GARNL3: variants seen among roughly 807,000 people sequenced by gnomAD.
The protein encoded by GARNL3 is GTPase activating Rap/RanGAP domain like 3.
In GARNL3, 63 loss-of-function variants were observed where a neutral mutation model predicts 125.0. That is an observed-to-expected ratio of 0.50 (90% CI 0.41 to 0.62). The LOEUF (loss-of-function observed/expected upper bound fraction) is 0.62. Ranked by LOEUF, GARNL3 falls within the 20% of genes least tolerant of loss-of-function variation. The pLI is 0.00. For synonymous variants in GARNL3, 439 were observed against 457.5 expected (o/e 0.96, Z 0.52); for missense variants, 994 against 1,244.0 (o/e 0.80, Z 3.02).
chr9:127,269,507 A>G (rs994473670), intron 1 of GARNL3, among the ~76,000 whole-genome samples: 3 of 152,220 alleles, frequency 2.0e-5, no homozygotes, highest in African/African-American at 7.2e-5. Flanking sequence ...TGTTTCCACC[A>G]TGGCTATACT....
upstream of GARNL3, among the ~76,000 whole-genome samples, chr9:127,259,173 C>G (rs538111208): frequency 1.5e-3 from 235 of 152,270 alleles, 1 homozygote; most frequent in African/African-American, 5.5e-3. Flanking sequence ...CAACTCTTGA[C>G]TCTTTGGAGG....
chr9:127,391,524 C>CAAA lies in GARNL3; in HGVS notation c.2870+765_2870+767dup, dbSNP rs763160611. 2.5e-3 allele frequency among the ~76,000 whole-genome samples: 176 copies of CAAA among 70,468 alleles called. 17 individuals carry two copies. Among genetic ancestry groups the CAAA allele is most frequent in the African/African-American group, 7.1e-3 (163 of 23,026 alleles). The allele number at this position is 70,468 out of a possible 152,430, so 46.2% of individuals were successfully genotyped here. ...GGCAACACAGCAAGACCCATCTCTACAAAAAAAAAATATATATATATATAT... is the reference window on the plus strand; with the variant it reads ...GGCAACACAGCAAGACCCATCTCTACAAAAAAAAAAAAATATATATATATATAT... On this transcript the variant is annotated intron_variant, in intron 27 of 27. Coordinates refer to ENST00000373387, the MANE Select transcript of GARNL3 (RefSeq NM_032293.5).
intron 1 of GARNL3, among the ~76,000 whole-genome samples, chr9:127,278,700 A>G (rs557927161): frequency 5.3e-5 from 8 of 152,188 alleles, no homozygotes; most frequent in Non-Finnish European, 1.0e-4. Flanking sequence ...ACTTAAAACA[A>G]CAGAATTCTA....
chr9:127,275,834 G>A (rs60863003), intron 1 of GARNL3, among the ~76,000 whole-genome samples: 6,114 of 152,212 alleles, frequency 0.04, 415 homozygotes, highest in African/African-American at 0.14. Flanking sequence ...AGGATTGTAT[G>A]CTTTTTGGCC....
chr9:127,224,911 GGGGCGT>G (rs1382017871), intron 1 of GARNL3, among the ~76,000 whole-genome samples: 6 of 68,032 alleles, frequency 8.8e-5, no homozygotes, highest in Non-Finnish European at 2.0e-4. Flanking sequence ...AGCGCGGGGC[GGGGCGT>G]GGGCGGGGCG....
intron 1 of GARNL3, among the ~76,000 whole-genome samples, chr9:127,278,712 T>C (rs752900754): frequency 7.9e-5 from 12 of 152,160 alleles, no homozygotes; most frequent in Non-Finnish European, 1.8e-4. Context: ...AGAATTCTAT[T>C]CTCTTACAGT....
In GARNL3 at chr9:127,336,253, T is replaced by A. The variant is rs1168197466; in HGVS notation, c.982+17T>A. 6.4e-7 allele frequency: 1 copy of A among 1,565,218 alleles called. No individual in the cohort carries two copies. Among genetic ancestry groups the A allele is most frequent in the African/African-American group, 1.4e-5 (1 of 73,840 alleles). On this transcript the variant is annotated intron_variant, in intron 11 of 27. Coordinates refer to ENST00000373387, the MANE Select transcript of GARNL3 (RefSeq NM_032293.5). ...ACTTTACACGTATCCTGGGCCTTTG[T>A]AAATGCTCCAGTGTGGCAAGCTGTG...
intron 1 of GARNL3, among the ~76,000 whole-genome samples, chr9:127,287,561 A>T (rs1469188626): frequency 6.6e-6 from 1 of 152,198 alleles, no homozygotes. Flanking sequence ...ATCAGGCCCC[A>T]GCCACCACAG....
chr9:127,309,583 G>A (rs1173338962), intron 2 of GARNL3, among the ~76,000 whole-genome samples: 1 of 152,128 alleles, frequency 6.6e-6, no homozygotes, highest in African/African-American at 2.4e-5. Context: ...AAGTCAAGCA[G>A]TATATTAAAA....
intron 5 of GARNL3, among the ~76,000 whole-genome samples, chr9:127,319,773 AAAG>A (rs978762490): frequency 2.6e-5 from 4 of 152,186 alleles, no homozygotes; most frequent in African/African-American, 9.7e-5. Flanking sequence ...TTTTTTCTAA[AAAG>A]AAGTTTACTC....
At chr9:127,345,144 A>G (rs1243062472) in intron 15 of GARNL3, among the ~76,000 whole-genome samples, 2 of 152,160 alleles carry the variant, frequency 1.3e-5, no homozygotes, top group African/African-American at 2.4e-5. Context: ...TTTCAAGCTC[A>G]TGGTTTATAA....
rs371090269 is a variant in GARNL3 at position 127,342,297 on chromosome 9, G to C, written c.1214G>C (p.Arg405Thr). ...CGGCGTACCCTGGATATGTTGATTA[G>C]ATCTTTACACCAGGATTTGATGCCA... is the stretch of plus-strand genomic sequence containing the variant. ...KRRRTLDMLI[R>T]SLHQDLMPDL... Residue 405 changes from arginine to threonine, a missense_variant, in exon 14 of 28, where the codon AGA (arginine) becomes ACA (threonine). Coordinates refer to ENST00000373387, the MANE Select transcript of GARNL3 (RefSeq NM_032293.5). The C allele has an allele frequency of 2.3e-5, 37 of 1,613,548 alleles. No individual in the cohort carries two copies. Among genetic ancestry groups the C allele is most frequent in the Non-Finnish European group, 3.1e-5 (37 of 1,179,576 alleles).
At chr9:127,291,014 G>A (rs1427413150) in intron 1 of GARNL3, among the ~76,000 whole-genome samples, 154 bp from the exon 2 acceptor site, 1 of 152,202 alleles carries the variant, frequency 6.6e-6, no homozygotes, top group Non-Finnish European at 1.5e-5. Flanking sequence ...CCAACTGTAT[G>A]AGTACCTGCC....
chr9:127,256,577 G>A (rs2063499000), intron 2 of GARNL3, among the ~76,000 whole-genome samples: 1 of 152,222 alleles, frequency 6.6e-6, no homozygotes, highest in Non-Finnish European at 1.5e-5. Context: ...CTCAGGTTCA[G>A]CACCTGGCAC....
chr9:127,291,691 G>A (rs1386388243), intron 2 of GARNL3, among the ~76,000 whole-genome samples: 1 of 149,736 alleles, frequency 6.7e-6, no homozygotes, highest in African/African-American at 2.5e-5. Context: ...GGCTCTCTGG[G>A]TCTTCCTTGC....
At chr9:127,235,165 T>C (rs559445647) in intron 1 of GARNL3, among the ~76,000 whole-genome samples, 9 of 151,640 alleles carry the variant, frequency 5.9e-5, no homozygotes, top group African/African-American at 2.2e-4. Flanking sequence ...GGCCAAATTA[T>C]TGAGAAAGTT....
At chr9:127,362,676 G>A (rs1831075756) in intron 21 of GARNL3, 1 of 152,434 alleles carries the variant, frequency 6.6e-6, no homozygotes, top group Admixed American at 6.5e-5. Flanking sequence ...GGGATTTTAA[G>A]TCAAAGTGGT....
intron 15 of GARNL3, among the ~76,000 whole-genome samples, chr9:127,344,676 G>A (rs142502001): frequency 6.6e-6 from 1 of 152,186 alleles, no homozygotes; most frequent in African/African-American, 2.4e-5. Flanking sequence ...GCCGATTTGG[G>A]AAATGCCCCT....
intron 7 of GARNL3, among the ~76,000 whole-genome samples, chr9:127,328,656 G>C (rs1040301694): frequency 2.0e-5 from 3 of 152,090 alleles, no homozygotes; most frequent in Non-Finnish European, 4.4e-5. Flanking sequence ...CAAGGAACCA[G>C]GGGTGTCTCA....
Sources: gnomAD v4.1 joint callset for allele counts (sites outside exome capture counted in the v4.1 genomes callset) on GRCh38, gnomAD v4.1.1 for gene constraint, MANE v1.5 for transcripts, NCBI Gene and HGNC (gene_info 2026-07-23, HGNC 2026-07-21) for gene names.